Variants in NRG1 observed in about 807,000 individuals in gnomAD.
The protein encoded by NRG1 is neuregulin 1, also known as pro-neuregulin-1, membrane-bound isoform.
In NRG1, 18 loss-of-function variants were observed where a neutral mutation model predicts 63.8. The observed-to-expected ratio is 0.28, with a 90% CI of 0.19 to 0.42. NRG1 has a LOEUF of 0.42. Among genes scored for constraint, NRG1 ranks in the 10% least tolerant of loss-of-function variants. The pLI, the probability that NRG1 is intolerant of heterozygous loss-of-function variation, is 1.00. For missense variants in NRG1, 762 were observed against 814.7 expected, an observed-to-expected ratio of 0.94 and a Z score of 0.79; for synonymous variants, 302 against 301.3, an observed-to-expected ratio of 1.00 and a Z score of -0.02.
chr8:31,842,442 A>G (rs1279977286), intron 1 of NRG1, among the ~76,000 whole-genome samples: 2 of 152,220 alleles, frequency 1.3e-5, no homozygotes, highest in African/African-American at 4.8e-5. Context: ...AATAATATCC[A>G]ATGAAGCCAT....
Position 32,748,339 on chromosome 8 carries a change from GCA to G in NRG1, c.691+5625_691+5626del, listed in dbSNP as rs879033032. On this transcript the variant is annotated intron_variant, in intron 7 of 11. Transcript: ENST00000356819. ...TAGGCGCATGTACACGCGCGCGCGCGCACACACACACACACACACAGAGAGAG... is the reference window on the plus strand; with the variant it reads ...TAGGCGCATGTACACGCGCGCGCGCGCACACACACACACACACAGAGAGAG... Among the ~76,000 whole-genome samples, 511 of 128,398 alleles carry G rather than the reference GCA, an allele frequency of 4.0e-3. 2 individuals are homozygous for G. The highest frequency in any genetic ancestry group is 6.2e-3 in the East Asian group (27 of 4,322). 84.2% of individuals were successfully genotyped at this position (128,398 alleles called of 152,430 possible).
chr8:31,826,348 G>A (rs1481203481), intron 1 of NRG1, among the ~76,000 whole-genome samples: 1 of 152,150 alleles, frequency 6.6e-6, no homozygotes, highest in African/African-American at 2.4e-5. Flanking sequence ...AATCATGGGG[G>A]TGGGTCTTTC....
chr8:32,671,593 C>T (rs1388328667), intron 5 of NRG1, among the ~76,000 whole-genome samples: 1 of 152,118 alleles, frequency 6.6e-6, no homozygotes, highest in African/African-American at 2.4e-5. Context: ...TGTATGCACG[C>T]ACACACATGC....
At chr8:32,372,081 C>T (rs1808962052) in intron 1 of NRG1, among the ~76,000 whole-genome samples, 1 of 148,576 alleles carries the variant, frequency 6.7e-6, no homozygotes. Context: ...GTCAACCTCC[C>T]AGGCTCAAGC....
intron 1 of NRG1, among the ~76,000 whole-genome samples, chr8:32,401,993 C>T (rs1388259966): frequency 6.6e-6 from 1 of 152,104 alleles, no homozygotes; most frequent in East Asian, 1.9e-4. Context: ...TCACTGCAAC[C>T]TCTGCCTCCT....
intron 1 of NRG1, among the ~76,000 whole-genome samples, chr8:31,848,346 G>A (rs1826883704): frequency 6.6e-6 from 1 of 152,142 alleles, no homozygotes; most frequent in Non-Finnish European, 1.5e-5. Flanking sequence ...CTCCTGAAGG[G>A]GAAAGCCATG....
intron 5 of NRG1, among the ~76,000 whole-genome samples, chr8:32,715,493 A>G (rs1241170235): frequency 6.6e-6 from 1 of 152,182 alleles, no homozygotes; most frequent in Non-Finnish European, 1.5e-5. Flanking sequence ...TTCTATTCAG[A>G]GACAATGCCA....
At chr8:31,789,628 G>T (rs1270865060) in intron 1 of NRG1, among the ~76,000 whole-genome samples, 1 of 152,174 alleles carries the variant, frequency 6.6e-6, no homozygotes, top group Non-Finnish European at 1.5e-5. Context: ...AGTTGTGCAA[G>T]TTTGTAACTT....
At chr8:32,393,325 C>G (rs937697649) in intron 1 of NRG1, among the ~76,000 whole-genome samples, 2 of 152,166 alleles carry the variant, frequency 1.3e-5, no homozygotes, top group Non-Finnish European at 2.9e-5. Flanking sequence ...TCAACAGAAG[C>G]TTGTGTTAGT....
chr8:32,743,517 G>GTATA (rs200985682), intron 7 of NRG1, among the ~76,000 whole-genome samples: 2 of 141,870 alleles, frequency 1.4e-5, no homozygotes, highest in East Asian at 4.2e-4. Flanking sequence ...ATATGTGTTT[G>GTATA]TATATATATA....
At position 32,742,612 on chromosome 8, in the gene NRG1, A is replaced by T; in HGVS notation, c.633-63A>T. ...GACACTGAAGGAGCTTCTTTCTAGC[A>T]TATATTCACCTCTTCTCTTTTTCTC... On this transcript the variant is annotated intron_variant, in intron 6 of 11. Coordinates refer to ENST00000356819, the Ensembl canonical transcript of NRG1. The surrounding 1 kb of genome is among the most constrained non-coding windows in gnomAD (Gnocchi z 4.2). 7 of 1,357,340 alleles carry T rather than the reference A, an allele frequency of 5.2e-6. No individual in the cohort carries two copies. Among genetic ancestry groups the T allele is most frequent in the South Asian group, 1.2e-5 (1 of 85,450 alleles). 84.1% of individuals were successfully genotyped at this position (1,357,340 alleles called of 1,614,324 possible).
At chr8:31,745,954 T>C (rs117466563) in intron 1 of NRG1, among the ~76,000 whole-genome samples, 1 of 151,968 alleles carries the variant, frequency 6.6e-6, no homozygotes, top group African/African-American at 2.4e-5. Flanking sequence ...GATACCCAGC[T>C]TGGGGACAGG....
chr8:31,963,731 G>C (rs779614289), intron 1 of NRG1, among the ~76,000 whole-genome samples: 2 of 151,920 alleles, frequency 1.3e-5, no homozygotes, highest in African/African-American at 4.8e-5. Context: ...AAACAATCAC[G>C]GTTTGTAATT....
At chr8:32,480,736 G>A (rs1386354965) in intron 1 of NRG1, among the ~76,000 whole-genome samples, 1 of 152,260 alleles carries the variant, frequency 6.6e-6, no homozygotes, top group Admixed American at 6.5e-5. Context: ...AGGCAAAGGG[G>A]GAGCCCACAT....
rs71539994 is a variant in NRG1 at position 31,830,355 on chromosome 8, T to TTCCTTCCC, written c.37+190955_37+190962dup. On this transcript the variant is annotated intron_variant, in intron 1 of 10. Coordinates refer to the NRG1 transcript ENST00000519301. ...CTTCCTTCCTTCCTTCCTTCCTTCC[T>TTCCTTCCC]TCCTTCCCTCCTTCCCTCCTTCCCT... Among the ~76,000 whole-genome samples the TTCCTTCCC allele has an allele frequency of 7.8e-4, 70 of 89,322 alleles. 1 individual carries two copies. Among genetic ancestry groups the TTCCTTCCC allele is most frequent in the African/African-American group, 3.1e-3 (62 of 19,872 alleles). 58.6% of individuals were successfully genotyped at this position (89,322 alleles called of 152,430 possible).
intron 1 of NRG1, among the ~76,000 whole-genome samples, chr8:32,411,491 T>C (rs1269125004): frequency 6.6e-6 from 1 of 152,224 alleles, no homozygotes; most frequent in Non-Finnish European, 1.5e-5. Context: ...TTCAGTCCAG[T>C]TTTCTATCCA....
rs796830257 is a variant in NRG1 at position 32,743,590 on chromosome 8, A to G, written c.691+857A>G. On this transcript the variant is annotated intron_variant, in intron 7 of 11. Transcript: ENST00000356819. ...AGGCAAAACATATATATATATATAT[A>G]TATATAAAACTTAATAACTTAAGGC... Among the ~76,000 whole-genome samples the G allele has an allele frequency of 1.4e-4, 21 of 145,752 alleles. No individual in the cohort carries two copies. The South Asian group carries it at 3.2e-3, about 22-fold the overall frequency.
intron 1 of NRG1, among the ~76,000 whole-genome samples, chr8:31,704,324 A>G (rs1810912324): frequency 6.6e-6 from 1 of 152,200 alleles, no homozygotes; most frequent in African/African-American, 2.4e-5. Context: ...TTTCTTGAAA[A>G]TTTAGGAAGA....
chr8:32,521,675 C>T (rs1588097386), intron 1 of NRG1, among the ~76,000 whole-genome samples: 1 of 152,024 alleles, frequency 6.6e-6, no homozygotes, highest in East Asian at 1.9e-4. Flanking sequence ...GAAAGGTGAT[C>T]GTTTCAAAGA....
Sources: allele counts gnomAD v4.1 joint callset (sites outside exome capture counted in the v4.1 genomes callset), GRCh38; gene constraint gnomAD v4.1.1; non-coding constraint Gnocchi (gnomAD v3.1); transcripts MANE v1.5; gene names NCBI Gene and HGNC (gene_info 2026-07-23, HGNC 2026-07-21).